The following UBAP2 variants were observed in gnomAD, a reference collection of about 807,000 sequenced individuals.
UBAP2 encodes the protein ubiquitin associated protein 2.
UBAP2 carries 75 observed loss-of-function variants against 139.6 expected under a neutral mutation model. That is an observed-to-expected ratio of 0.54 (90% CI 0.45 to 0.65). The LOEUF is 0.65. Ranked by LOEUF, UBAP2 falls within the 30% of genes least tolerant of loss-of-function variation. The pLI is 0.00. For missense variants in UBAP2, 1,368 were observed against 1,369.6 expected (o/e 1.00, Z 0.02); for synonymous variants, 526 against 526.2 (o/e 1.00, Z 0.01).
chr9:33,993,896 C>CTTTTTTTT (rs34361153), intron 4 of UBAP2, among the ~76,000 whole-genome samples: 14 of 137,272 alleles, frequency 1.0e-4, no homozygotes, highest in Non-Finnish European at 2.0e-4. Context: ...GCTTTGCTTT[C>CTTTTTTTT]TTTTTTTTTT....
chr9:33,991,684 A>G (rs1821724179), intron 4 of UBAP2, among the ~76,000 whole-genome samples: 1 of 152,196 alleles, frequency 6.6e-6, no homozygotes, highest in Non-Finnish European at 1.5e-5. Context: ...TATGCCAGAG[A>G]AAATAATGCC....
Position 34,037,867 on chromosome 9 carries a change from T to C in UBAP2, c.-42+10958A>G, listed in dbSNP as rs567596938. ...CCCCGACTGGATGGGAAAGAGGCTA[T>C]AAAAATACATTTTGTGGGCCTACAG... is the stretch of plus-strand genomic sequence containing the variant. On this transcript the variant is annotated intron_variant, in intron 1 of 28. Coordinates refer to ENST00000379238, the MANE Select transcript of UBAP2 (RefSeq NM_001370062.2). Among the ~76,000 whole-genome samples, 46 of 151,982 alleles carry C rather than the reference T, an allele frequency of 3.0e-4. 1 individual carries two copies. Among genetic ancestry groups the C allele is most frequent in the African/African-American group, 1.0e-3 (43 of 41,458 alleles).
At chr9:33,955,246 C>T (rs1456332649) in intron 11 of UBAP2, among the ~76,000 whole-genome samples, 4 of 151,622 alleles carry the variant, frequency 2.6e-5, no homozygotes, top group African/African-American at 7.3e-5. Flanking sequence ...TTAGGCCAGG[C>T]GCGGTGGCTC....
chr9:33,958,295 C>T (rs1157121847), intron 10 of UBAP2, among the ~76,000 whole-genome samples: 2 of 151,920 alleles, frequency 1.3e-5, no homozygotes, highest in Admixed American at 1.3e-4. Context: ...CCAGTGAATC[C>T]ATTTTTGCCT....
chr9:33,936,371 G>A (rs1325740851), intron 16 of UBAP2, among the ~76,000 whole-genome samples: 4 of 152,034 alleles, frequency 2.6e-5, no homozygotes, highest in Non-Finnish European at 5.9e-5. Context: ...TTAGATCACT[G>A]CAAACTCCAT....
intron 2 of UBAP2, among the ~76,000 whole-genome samples, chr9:34,003,265 G>C (rs1011841358): frequency 2.0e-5 from 3 of 151,244 alleles, no homozygotes; most frequent in African/African-American, 7.3e-5. Flanking sequence ...GTCTGACCTC[G>C]AGTGATCTGC....
chr9:34,034,081 C>A (rs553443069), intron 1 of UBAP2, among the ~76,000 whole-genome samples: 1 of 152,206 alleles, frequency 6.6e-6, no homozygotes, highest in South Asian at 2.1e-4. Flanking sequence ...AATAATAGTT[C>A]TCATTATTCA....
chr9:33,989,819 T>A (rs375243242), intron 4 of UBAP2, among the ~76,000 whole-genome samples: 2 of 152,178 alleles, frequency 1.3e-5, no homozygotes. Flanking sequence ...TTACTTAGAA[T>A]GATGCCCCAA....
intron 8 of UBAP2, among the ~76,000 whole-genome samples, chr9:33,970,210 T>C (rs1827814308): frequency 6.6e-6 from 1 of 151,924 alleles, no homozygotes; most frequent in African/African-American, 2.4e-5. Flanking sequence ...ATATGATCCA[T>C]ATCAATATTC....
At chr9:33,943,962 C>A (rs1015006580) in intron 14 of UBAP2, among the ~76,000 whole-genome samples, 1 of 152,036 alleles carries the variant, frequency 6.6e-6, no homozygotes, top group Non-Finnish European at 1.5e-5. Flanking sequence ...AATATCACCA[C>A]CTGCATCTAA....
intron 1 of UBAP2, among the ~76,000 whole-genome samples, chr9:34,018,327 GTTTT>G (rs1407454005): frequency 4.7e-5 from 7 of 149,606 alleles, no homozygotes; most frequent in Admixed American, 1.3e-4. Flanking sequence ...CACTATAATT[GTTTT>G]TTTGTTTAAT....
intron 16 of UBAP2, among the ~76,000 whole-genome samples, chr9:33,937,040 T>C (rs1824608464): frequency 6.7e-6 from 1 of 150,366 alleles, no homozygotes; most frequent in East Asian, 2.0e-4. Context: ...CAGACAGCTG[T>C]ACTGGTGAAT....
chr9:33,988,984 C>A lies in UBAP2; in HGVS notation c.431G>T (p.Arg144Leu). The change falls in exon 5 of 29, where the codon CGT becomes CTT. Residue 144 changes from arginine to leucine, a missense_variant. Arg to Leu is a moderately radical substitution (Grantham distance 102). Transcript: ENST00000379238. ...NNNRKGRGGNRGREFRGEENG... is the reference protein window; with the variant it reads ...NNNRKGRGGNLGREFRGEENG... ...AAGTCTGTACTTACATTCTCTGCCACGATTGCCGCCTCTTCCTTTCCGGTT... is the reference window on the plus strand; with the variant it reads ...AAGTCTGTACTTACATTCTCTGCCAAGATTGCCGCCTCTTCCTTTCCGGTT... 6.2e-7 allele frequency: 1 copy of A among 1,612,120 alleles called. No homozygotes were observed. The highest frequency in any genetic ancestry group is 1.1e-5 in the South Asian group (1 of 90,688).
intron 2 of UBAP2, among the ~76,000 whole-genome samples, chr9:33,999,983 T>G (rs1005335530): frequency 1.1e-4 from 16 of 152,156 alleles, no homozygotes; most frequent in African/African-American, 3.6e-4. Flanking sequence ...AGTCTCACTC[T>G]GTCGCCCAGG....
intron 4 of UBAP2, chr9:33,995,395 AATAT>A (rs901701283): frequency 1.5e-5 from 2 of 137,422 alleles, no homozygotes; most frequent in East Asian, 4.7e-4. Context: ...ATTAAATATA[AATAT>A]ATATATAAAG....
At position 33,963,851 on chromosome 9, in the gene UBAP2, C is replaced by A. The variant is rs915697546; in HGVS notation, c.680-60G>T. 28 of 1,230,492 alleles carry A rather than the reference C, an allele frequency of 2.3e-5. No individual in the cohort carries two copies. The Admixed American group carries it at 3.2e-4, about 14-fold the overall frequency. The allele number at this position is 1,230,492 out of a possible 1,614,324, so 76.2% of individuals were successfully genotyped here. ...ATGAAAAGAATGAAAGTATTCATCA[C>A]AGAGAAGATGGTCACTGTCAAAGCT... On this transcript the variant is annotated intron_variant, in intron 8 of 28. Transcript: ENST00000379238.
Position 33,922,286 on chromosome 9 carries a change from G to T in UBAP2, c.*218C>A. The T allele has an allele frequency of 1.8e-6, 1 of 552,888 alleles. No homozygotes were observed. 34.2% of individuals were successfully genotyped at this position (552,888 alleles called of 1,614,324 possible). A position where few individuals can be genotyped will look rare whatever the true frequency, so the allele number is the denominator to read the frequency against. ...AGGGCAGACCTGGCTAACATCTGCCGCCATCCCCCAACTCCCCCCCAGACT... is the reference window on the plus strand; with the variant it reads ...AGGGCAGACCTGGCTAACATCTGCCTCCATCCCCCAACTCCCCCCCAGACT... On this transcript the variant is annotated 3_prime_UTR_variant, in exon 29 of 29. Coordinates refer to ENST00000379238, the MANE Select transcript of UBAP2 (RefSeq NM_001370062.2).
intron 1 of UBAP2, among the ~76,000 whole-genome samples, chr9:34,033,657 A>C (rs907774462): frequency 1.6e-4 from 25 of 151,718 alleles, no homozygotes; most frequent in African/African-American, 6.1e-4. Context: ...GGTTCCCTGC[A>C]ACCTCTGCCT....
chr9:33,980,057 A>G (rs1820501882), intron 6 of UBAP2, among the ~76,000 whole-genome samples: 1 of 151,592 alleles, frequency 6.6e-6, no homozygotes, highest in South Asian at 2.1e-4. Context: ...AGCCTGGGCG[A>G]CAGAGACAGA....
Sources: gnomAD v4.1 joint callset for allele counts (sites outside exome capture counted in the v4.1 genomes callset) on GRCh38, gnomAD v4.1.1 for gene constraint, MANE v1.5 for transcripts, NCBI Gene and HGNC (gene_info 2026-07-23, HGNC 2026-07-21) for gene names.